Variants in TOX observed in about 807,000 individuals in gnomAD.
TOX encodes the protein thymocyte selection associated high mobility group box.
In TOX, 11 loss-of-function variants were observed where a neutral mutation model predicts 53.7. The ratio of observed to expected loss-of-function variants is 0.20; its 90% CI spans 0.13 to 0.34. The LOEUF is 0.34. Ranked by LOEUF, TOX falls within the 10% of genes least tolerant of loss-of-function variation. The pLI, the probability that TOX is intolerant of heterozygous loss-of-function variation, is 1.00. For synonymous variants in TOX, 225 were observed against 245.3 expected, an observed-to-expected ratio of 0.92 and a Z score of 0.77; for missense variants, 570 against 664.6, an observed-to-expected ratio of 0.86 and a Z score of 1.56.
At chr8:59,037,588 G>A (rs947265124) in intron 1 of TOX, among the ~76,000 whole-genome samples, 2 of 152,010 alleles carry the variant, frequency 1.3e-5, no homozygotes, top group Non-Finnish European at 1.5e-5. Context: ...CAGATCACAC[G>A]GTCAGGAGTC....
chr8:59,097,497 G>A (rs1804732922), intron 1 of TOX, among the ~76,000 whole-genome samples: 2 of 152,096 alleles, frequency 1.3e-5, no homozygotes, highest in South Asian at 4.1e-4. Flanking sequence ...ATTTCATTTT[G>A]CAGATGGGAA....
intron 5 of TOX, among the ~76,000 whole-genome samples, chr8:58,833,239 A>T (rs1239163305): frequency 1.3e-5 from 2 of 152,196 alleles, no homozygotes; most frequent in Non-Finnish European, 2.9e-5. Context: ...TCCAATTAGG[A>T]ACTTAAGGTT....
At chr8:59,087,909 G>A (rs145436900) in intron 1 of TOX, among the ~76,000 whole-genome samples, 1,937 of 152,284 alleles carry the variant, frequency 0.013, 16 homozygotes, top group Middle Eastern at 0.034. Context: ...AGATGAAGGT[G>A]AAACATAAAA....
At chr8:58,880,521 G>A (rs1486738911) in intron 3 of TOX, among the ~76,000 whole-genome samples, 2 of 152,094 alleles carry the variant, frequency 1.3e-5, no homozygotes, top group East Asian at 3.9e-4. Context: ...CCAGAGTGGC[G>A]GGCAGCTGAG....
chr8:59,106,510 A>G (rs1199216576), intron 1 of TOX, among the ~76,000 whole-genome samples: 1 of 152,192 alleles, frequency 6.6e-6, no homozygotes, highest in Admixed American at 6.5e-5. Context: ...AGGGAACACA[A>G]GTGTTTCACT....
intron 1 of TOX, among the ~76,000 whole-genome samples, chr8:59,024,557 T>G (rs389349): frequency 0.89 from 135,197 of 152,190 alleles, 60,253 homozygotes; most frequent in East Asian, 1. Context: ...CGTTTTTGTG[T>G]TCAGCTAGCG....
At chr8:59,031,594 G>A (rs77022703) in intron 1 of TOX, among the ~76,000 whole-genome samples, 1,860 of 152,316 alleles carry the variant, frequency 0.012, 12 homozygotes, top group Non-Finnish European at 0.019. Flanking sequence ...CAAGCACACA[G>A]ATCTATGAAG....
Position 58,858,932 on chromosome 8 carries a change from T to C in TOX, c.412-7127A>G, listed in dbSNP as rs368425255. On this transcript the variant is annotated intron_variant, in intron 3 of 8. Coordinates refer to ENST00000361421, the MANE Select transcript of TOX (RefSeq NM_014729.3). The stretch of plus-strand genomic sequence containing the variant: ...GAGAAGAATGTAAATGTTGATATTA[T>C]TTAAGTCCCCAATTTGATTACATAT... 1.8e-3 allele frequency among the ~76,000 whole-genome samples: 267 copies of C among 152,332 alleles called. 2 individuals are homozygous for C. Among genetic ancestry groups the C allele is most frequent in the South Asian group, 7.9e-3 (38 of 4,820 alleles).
chr8:59,001,204 T>C (rs1813682791), intron 1 of TOX, among the ~76,000 whole-genome samples: 1 of 152,210 alleles, frequency 6.6e-6, no homozygotes, highest in South Asian at 2.1e-4. Flanking sequence ...TAGCTGGGTT[T>C]AGATGGATAA....
At chr8:58,952,875 C>T (rs112105309) in intron 2 of TOX, among the ~76,000 whole-genome samples, 2 of 152,038 alleles carry the variant, frequency 1.3e-5, no homozygotes, top group African/African-American at 4.8e-5. Flanking sequence ...AACATTTAAC[C>T]CATCAGCAGC....
chr8:59,109,246 G>T (rs959984517), intron 1 of TOX, among the ~76,000 whole-genome samples: 1 of 152,040 alleles, frequency 6.6e-6, no homozygotes, highest in Non-Finnish European at 1.5e-5. Context: ...GGAGCTCACG[G>T]CTATAACAAC....
At chr8:58,816,032 G>T (rs1401322962) in intron 6 of TOX, among the ~76,000 whole-genome samples, 1 of 152,194 alleles carries the variant, frequency 6.6e-6, no homozygotes, top group East Asian at 1.9e-4. Flanking sequence ...GAGGGTGGGG[G>T]ACGGGAGAAG....
chr8:58,918,915 G>T (rs972586314), intron 3 of TOX, among the ~76,000 whole-genome samples: 2 of 151,936 alleles, frequency 1.3e-5, no homozygotes, highest in African/African-American at 4.8e-5. Flanking sequence ...CCAACAACCG[G>T]CAAACAGAGA....
chr8:58,939,727 G>A (rs898067384), intron 2 of TOX, among the ~76,000 whole-genome samples, 183 bp from the exon 3 acceptor site: 1 of 152,154 alleles, frequency 6.6e-6, no homozygotes, highest in Non-Finnish European at 1.5e-5. Flanking sequence ...TTGCCTCAAA[G>A]GCAGATCCAC....
At chr8:59,096,415 A>G (rs573149814) in intron 1 of TOX, among the ~76,000 whole-genome samples, 1 of 152,310 alleles carries the variant, frequency 6.6e-6, no homozygotes, top group South Asian at 2.1e-4. Context: ...GCATACCTCC[A>G]AATTGGAAAT....
At chr8:58,942,890 C>T (rs1812465456) in intron 2 of TOX, among the ~76,000 whole-genome samples, 1 of 152,180 alleles carries the variant, frequency 6.6e-6, no homozygotes, top group African/African-American at 2.4e-5. Context: ...CTTGCTTCTT[C>T]TCTCACCATG....
chr8:59,031,089 G>C (rs970334320), intron 1 of TOX, among the ~76,000 whole-genome samples: 5 of 152,164 alleles, frequency 3.3e-5, no homozygotes, highest in Non-Finnish European at 5.9e-5. Context: ...CAGTTGGTAT[G>C]ACACATTCCA....
chr8:58,913,133 C>T (rs1319458723), intron 3 of TOX, among the ~76,000 whole-genome samples: 3 of 152,170 alleles, frequency 2.0e-5, no homozygotes, highest in Non-Finnish European at 2.9e-5. Context: ...TTATATACAA[C>T]TTCTCCCCTT....
chr8:59,055,231 G>A (rs1298453972), intron 1 of TOX, among the ~76,000 whole-genome samples: 1 of 152,102 alleles, frequency 6.6e-6, no homozygotes, highest in Non-Finnish European at 1.5e-5. Flanking sequence ...CAGGCCCCAG[G>A]GGACAAGCAC....
Sources: gnomAD v4.1 joint callset for allele counts (sites outside exome capture counted in the v4.1 genomes callset) on GRCh38, gnomAD v4.1.1 for gene constraint, MANE v1.5 for transcripts, NCBI Gene and HGNC (gene_info 2026-07-23, HGNC 2026-07-21) for gene names.